Variants in VAV2 observed in about 807,000 individuals in gnomAD.
VAV2 encodes the protein guanine nucleotide exchange factor VAV2.
Under a neutral mutation model 132.5 loss-of-function variants are expected in VAV2, and 67 were observed. The observed-to-expected ratio is 0.51, with a 90% CI of 0.42 to 0.62. The LOEUF is 0.62. Ranked by LOEUF, VAV2 falls within the 20% of genes least tolerant of loss-of-function variation. The pLI is 0.00. For synonymous variants in VAV2, 492 were observed against 443.5 expected, an observed-to-expected ratio of 1.11 and a Z score of -1.37; for missense variants, 938 against 1,153.6, an observed-to-expected ratio of 0.81 and a Z score of 2.71.
chr9:133,850,904 G>A (rs145358077), intron 3 of VAV2, among the ~76,000 whole-genome samples: 1 of 152,314 alleles, frequency 6.6e-6, no homozygotes, highest in Non-Finnish European at 1.5e-5. Flanking sequence ...CCCTGCTGTC[G>A]ACTGGCACAC....
intron 29 of VAV2, among the ~76,000 whole-genome samples, chr9:133,764,749 G>T (rs562451079): frequency 6.6e-6 from 1 of 152,112 alleles, no homozygotes; most frequent in Non-Finnish European, 1.5e-5. Context: ...TAAAATTGTG[G>T]AAATAATATG....
intron 1 of VAV2, among the ~76,000 whole-genome samples, chr9:133,973,496 C>T (rs948066099): frequency 3.3e-5 from 5 of 152,220 alleles, no homozygotes; most frequent in African/African-American, 7.2e-5. Flanking sequence ...GGGCTCTCCC[C>T]GGAAGGCCAT....
At chr9:133,949,000 T>C (rs1841465530) in intron 1 of VAV2, among the ~76,000 whole-genome samples, 2 of 151,978 alleles carry the variant, frequency 1.3e-5, no homozygotes, top group African/African-American at 4.8e-5. Flanking sequence ...CCCGGCTGGC[T>C]TGCGTGAAGG....
At chr9:133,783,446 G>T in intron 19 of VAV2, 57 bp downstream of exon 19, 1 of 1,545,066 alleles carries the variant, frequency 6.5e-7, no homozygotes, top group Non-Finnish European at 8.9e-7. Context: ...GTGGTAGGGG[G>T]CAGAAGTGAG....
At chr9:133,940,628 A>G (rs1193194302) in intron 1 of VAV2, among the ~76,000 whole-genome samples, 1 of 151,534 alleles carries the variant, frequency 6.6e-6, no homozygotes, top group Non-Finnish European at 1.5e-5. Context: ...TTCATAGACA[A>G]CAGACTCATC....
chr9:133,937,949 G>A (rs182577914), intron 2 of VAV2, among the ~76,000 whole-genome samples: 67 of 152,336 alleles, frequency 4.4e-4, no homozygotes, highest in South Asian at 1.2e-3. Flanking sequence ...TTCCAGGAGC[G>A]AGGAAGGGAA....
chr9:133,827,231 ACTGGGG>A lies in VAV2; in HGVS notation c.449+7035_449+7040del, dbSNP rs1282423612. Among the ~76,000 whole-genome samples, 213 of 81,280 alleles carry A rather than the reference ACTGGGG, an allele frequency of 2.6e-3. 67 individuals are homozygous for A. The highest frequency in any genetic ancestry group is 0.013 in the Middle Eastern group (2 of 160). 53.3% of individuals were successfully genotyped at this position (81,280 alleles called of 152,430 possible). On this transcript the variant is annotated intron_variant, in intron 4 of 29. Transcript: ENST00000371850. ...GGCATCGCCAGCTACTGCTGTGCCC[ACTGGGG>A]CTGACCACTGAGCGGGGGCATCACC... is the stretch of plus-strand genomic sequence containing the variant.
intron 5 of VAV2, among the ~76,000 whole-genome samples, chr9:133,811,338 C>CCAG: frequency 6.6e-6 from 1 of 152,376 alleles, no homozygotes; most frequent in Non-Finnish European, 1.5e-5. Flanking sequence ...TTCTCCACCA[C>CCAG]CAGCTGGTTA....
chr9:133,978,114 C>T (rs974896145), intron 1 of VAV2, among the ~76,000 whole-genome samples: 3 of 152,246 alleles, frequency 2.0e-5, no homozygotes, highest in East Asian at 3.8e-4. Context: ...GGGAGGCACA[C>T]GGTGTTCGAG....
At chr9:133,988,130 G>C (rs1842911730) in intron 1 of VAV2, among the ~76,000 whole-genome samples, 1 of 152,254 alleles carries the variant, frequency 6.6e-6, no homozygotes, top group Admixed American at 6.5e-5. Context: ...CTCCGGGCTA[G>C]ACGGCCTCAT....
At chr9:133,890,801 G>A (rs1374752835) in intron 2 of VAV2, among the ~76,000 whole-genome samples, 2 of 152,120 alleles carry the variant, frequency 1.3e-5, no homozygotes, top group East Asian at 1.9e-4. Flanking sequence ...GGTGGAAGCC[G>A]CACGCTGGTG....
intron 3 of VAV2, among the ~76,000 whole-genome samples, chr9:133,853,282 T>C (rs1251561409): frequency 6.6e-6 from 1 of 152,142 alleles, no homozygotes; most frequent in Non-Finnish European, 1.5e-5. Flanking sequence ...CCTTCCCAAG[T>C]GTGGGTCTCC....
intron 4 of VAV2, among the ~76,000 whole-genome samples, chr9:133,816,175 T>C (rs1835552814): frequency 6.6e-6 from 1 of 152,228 alleles, no homozygotes; most frequent in Admixed American, 6.5e-5. Flanking sequence ...TTTCTAAAAA[T>C]TGGTTGTCTG....
chr9:133,971,643 C>T (rs922928225), intron 1 of VAV2, among the ~76,000 whole-genome samples: 3 of 152,196 alleles, frequency 2.0e-5, no homozygotes, highest in Non-Finnish European at 2.9e-5. Context: ...GTGGAGGCTG[C>T]TGACATGAAG....
At chr9:133,979,179 T>C (rs1274585286) in intron 1 of VAV2, among the ~76,000 whole-genome samples, 2 of 152,184 alleles carry the variant, frequency 1.3e-5, no homozygotes, top group African/African-American at 4.8e-5. Flanking sequence ...CTGGGAGACA[T>C]GTCCGCCGAG....
chr9:133,865,058 G>A (rs542738996), intron 2 of VAV2, among the ~76,000 whole-genome samples: 2 of 152,316 alleles, frequency 1.3e-5, no homozygotes, highest in South Asian at 2.1e-4. Context: ...GGAAGCCTCA[G>A]TGCTCCCAGA....
At chr9:133,958,888 C>G (rs1043788363) in intron 1 of VAV2, among the ~76,000 whole-genome samples, 1 of 152,220 alleles carries the variant, frequency 6.6e-6, no homozygotes, top group Non-Finnish European at 1.5e-5. Context: ...TGGGCCCTGC[C>G]CACAGGAAGA....
chr9:133,780,652 C>T (rs1443044840), intron 20 of VAV2, 42 bp downstream of exon 20: 10 of 1,176,708 alleles, frequency 8.5e-6, no homozygotes, highest in African/African-American at 1.7e-5. Flanking sequence ...AGGGATGTGG[C>T]GGGGGTGGGG....
At chr9:133,939,554 G>A (rs898905208) in intron 1 of VAV2, among the ~76,000 whole-genome samples, 3 of 152,210 alleles carry the variant, frequency 2.0e-5, no homozygotes, top group Admixed American at 6.5e-5. Context: ...CCCCGTAACC[G>A]TAGGTCAGGG....
Sources: allele counts gnomAD v4.1 joint callset (sites outside exome capture counted in the v4.1 genomes callset), GRCh38; gene constraint gnomAD v4.1.1; transcripts MANE v1.5; gene names NCBI Gene and HGNC (gene_info 2026-07-23, HGNC 2026-07-21).